The following ABCA12 variants were observed in gnomAD, a reference collection of about 807,000 sequenced individuals.
The protein encoded by ABCA12 is glucosylceramide transporter ABCA12.
A neutral mutation model predicts 293.5 loss-of-function variants in ABCA12; 156 were observed. The ratio of observed to expected loss-of-function variants is 0.53; its 90% confidence interval spans 0.47 to 0.61. ABCA12 has a LOEUF of 0.61. Ranked by LOEUF, ABCA12 falls within the 20% of genes least tolerant of loss-of-function variation. The pLI, the probability that ABCA12 is intolerant of heterozygous loss-of-function variation, is 0.00. For missense variants in ABCA12, 2,797 were observed against 3,090.2 expected, an observed-to-expected ratio of 0.91 and a Z score of 2.25; for synonymous variants, 1,063 against 1,108.0, an observed-to-expected ratio of 0.96 and a Z score of 0.81.
chr2:215,035,302 T>C (rs1286538812), intron 8 of ABCA12, among the ~76,000 whole-genome samples: 1 of 152,174 alleles, frequency 6.6e-6, no homozygotes. Context: ...GGTAAGTGTA[T>C]CAAATTTTAT....
chr2:215,007,720 C>T lies in ABCA12; in HGVS notation c.2592+7G>A, dbSNP rs201974606. 9.3e-5 allele frequency: 150 copies of T among 1,613,818 alleles called. No individual in the cohort carries two copies. The highest frequency in any genetic ancestry group is 1.2e-4 in the Non-Finnish European group (145 of 1,179,912). ...CTACTAAGTTGAATGACAGAAGCAT[C>T]TCATACCTGGAGCATTGGAATTGCC... On this transcript the variant is annotated splice_region_variant and intron_variant, in intron 19 of 52. Coordinates refer to ENST00000272895, the MANE Select transcript of ABCA12 (RefSeq NM_173076.3).
chr2:215,048,215 G>A (rs1276037372), intron 6 of ABCA12, among the ~76,000 whole-genome samples: 1 of 152,150 alleles, frequency 6.6e-6, no homozygotes, highest in Non-Finnish European at 1.5e-5. Flanking sequence ...AACACTGTTA[G>A]TGGGAGTATA....
intron 1 of ABCA12, among the ~76,000 whole-genome samples, chr2:215,123,785 T>A (rs532146605): frequency 1.3e-5 from 2 of 152,164 alleles, no homozygotes; most frequent in Non-Finnish European, 2.9e-5. Flanking sequence ...TTAATTTTTT[T>A]TATAAGTTAT....
intron 39 of ABCA12, among the ~76,000 whole-genome samples, chr2:214,966,424 A>T (rs1430566312): frequency 6.6e-6 from 1 of 152,190 alleles, no homozygotes. Flanking sequence ...TAATAATGAA[A>T]TAAAAAAGTA....
chr2:214,999,264 C>T (rs1700094917), intron 22 of ABCA12, among the ~76,000 whole-genome samples: 1 of 152,172 alleles, frequency 6.6e-6, no homozygotes, highest in South Asian at 2.1e-4. Context: ...TCATTAACAA[C>T]AAATCCCCTG....
intron 1 of ABCA12, among the ~76,000 whole-genome samples, chr2:215,133,066 C>T (rs1386047164): frequency 6.7e-6 from 1 of 149,554 alleles, no homozygotes; most frequent in Non-Finnish European, 1.5e-5. Context: ...TTTTCCGTTA[C>T]AGGGCTTCTG....
At chr2:214,944,930 A>G (rs1698534225) in intron 49 of ABCA12, 71 bp downstream of exon 49, 1 of 1,171,752 alleles carries the variant, frequency 8.5e-7, no homozygotes, top group African/African-American at 1.5e-5. Context: ...TTTATGTTAT[A>G]CAGGATTACC....
intron 17 of ABCA12, among the ~76,000 whole-genome samples, 176 bp from the exon 18 acceptor site, chr2:215,010,646 C>G (rs1334093276): frequency 6.6e-6 from 1 of 152,052 alleles, no homozygotes; most frequent in African/African-American, 2.4e-5. Context: ...AGTAACCAAT[C>G]TTTTTTAGGT....
chr2:215,056,291 G>T (rs1701419173), intron 3 of ABCA12, among the ~76,000 whole-genome samples: 1 of 152,062 alleles, frequency 6.6e-6, no homozygotes, highest in Non-Finnish European at 1.5e-5. Context: ...CCCACATTCA[G>T]AAACGAAACC....
intron 4 of ABCA12, among the ~76,000 whole-genome samples, chr2:215,053,450 T>C (rs1701358701): frequency 6.6e-6 from 1 of 152,100 alleles, no homozygotes; most frequent in Non-Finnish European, 1.5e-5. Context: ...GTGAGATAAC[T>C]GGCCAGAGTG....
intron 2 of ABCA12, among the ~76,000 whole-genome samples, chr2:215,079,760 G>T (rs1575029885): frequency 1.3e-5 from 2 of 152,006 alleles, no homozygotes; most frequent in Non-Finnish European, 2.9e-5. Flanking sequence ...TTAATCTTGC[G>T]TTACTTAATA....
At chr2:215,125,134 G>A (rs187136413) in intron 1 of ABCA12, among the ~76,000 whole-genome samples, 23 of 152,134 alleles carry the variant, frequency 1.5e-4, no homozygotes, top group African/African-American at 5.5e-4. Flanking sequence ...CTTATTTCTG[G>A]GTTCTCTATT....
rs564176047 is a variant in ABCA12 at position 214,958,739 on chromosome 2, T to C, written c.5939+285A>G. ...GCAAGGGATATATCATTCTTGAGCA[T>C]AGGAACCATACTTAATTGCTATGCA... is the stretch of plus-strand genomic sequence containing the variant. On this transcript the variant is annotated intron_variant, in intron 40 of 52. Transcript: ENST00000272895. 5.9e-5 allele frequency among the ~76,000 whole-genome samples: 9 copies of C among 152,266 alleles called. No homozygotes were observed. In the South Asian group the frequency reaches 1.5e-3, roughly 25 times the overall value.
chr2:214,932,445 C>T lies in ABCA12; in HGVS notation c.*189G>A. 1 of 599,150 alleles carries T rather than the reference C, an allele frequency of 1.7e-6. No individual in the cohort carries two copies. 37.1% of individuals were successfully genotyped at this position (599,150 alleles called of 1,614,324 possible). A position where few individuals can be genotyped will look rare whatever the true frequency, so the allele number is the denominator to read the frequency against. On this transcript the variant is annotated 3_prime_UTR_variant, in exon 53 of 53. Coordinates refer to ENST00000272895, the MANE Select transcript of ABCA12 (RefSeq NM_173076.3). ...ATACAGGAATTCATTTCAGTAGCAA[C>T]AACACTCACTGACCTTAGAAGGAAA...
rs1197185516 is a variant in ABCA12 at position 214,982,361 on chromosome 2, A to G, written c.4405T>C (p.Tyr1469His). ...VKRTLKDTGL[Y>H]SHRHKRVGTL... ...CCAACTCTCTTATGACGATGGCTATATAGTCCAGTATCTTTTAAAGTCCTT... is the reference window on the plus strand; with the variant it reads ...CCAACTCTCTTATGACGATGGCTATGTAGTCCAGTATCTTTTAAAGTCCTT... Residue 1469 changes from tyrosine to histidine, a missense_variant, in exon 30 of 53, where the codon TAT becomes CAT. By Grantham distance (83) the Tyr-to-His change is moderately conservative. This residue lies in a region of ABCA12 where 2,130 missense variants were observed against 2,427.0 expected (regional missense o/e 0.88). Coordinates refer to ENST00000272895, the MANE Select transcript of ABCA12 (RefSeq NM_173076.3). The G allele has an allele frequency of 6.2e-7, 1 of 1,613,970 alleles. No individual in the cohort carries two copies. Among genetic ancestry groups the G allele is most frequent in the Non-Finnish European group, 8.5e-7 (1 of 1,179,892 alleles).
chr2:215,116,157 A>G (rs1445632353), intron 1 of ABCA12, among the ~76,000 whole-genome samples: 1 of 152,254 alleles, frequency 6.6e-6, no homozygotes, highest in Non-Finnish European at 1.5e-5. Context: ...TAAAATGCAG[A>G]TAAAAATGCG....
At position 215,050,886 on chromosome 2, in the gene ABCA12, C is replaced by T. The variant is rs916373945; in HGVS notation, c.508-1075G>A. ...TCAGAGAGATTGCTGACATAGGCAT[C>T]AATATATCATCCTAATTTTTACATC... On this transcript the variant is annotated intron_variant, in intron 5 of 52. Coordinates refer to ENST00000272895, the MANE Select transcript of ABCA12 (RefSeq NM_173076.3). 3.5e-6 allele frequency: 3 copies of T among 859,072 alleles called. No individual in the cohort carries two copies. The African/African-American group carries it at 5.5e-5, about 16-fold the overall frequency. 53.2% of individuals were successfully genotyped at this position (859,072 alleles called of 1,614,324 possible).
chr2:215,132,503 T>C (rs920343377), intron 1 of ABCA12, among the ~76,000 whole-genome samples: 8 of 146,108 alleles, frequency 5.5e-5, no homozygotes, highest in African/African-American at 2.2e-4. Context: ...CTTTGTCTTT[T>C]TTTTTTAACT....
In ABCA12 at chr2:215,105,599, A is replaced by G. The variant is rs201139438; in HGVS notation, c.163+5998T>C. Among the ~76,000 whole-genome samples the G allele has an allele frequency of 1.2e-4, 16 of 135,266 alleles. 1 individual carries two copies. Among genetic ancestry groups the G allele is most frequent in the South Asian group, 8.9e-4 (4 of 4,498 alleles). 88.7% of individuals were successfully genotyped at this position (135,266 alleles called of 152,430 possible). A position where few individuals can be genotyped will look rare whatever the true frequency, so the allele number is the denominator to read the frequency against. Reference sequence around the variant, plus strand: ...TCAAGACACACACACACACACACACACGCACACACACACACACACACACGC... The same window carrying G: ...TCAAGACACACACACACACACACACGCGCACACACACACACACACACACGC... On this transcript the variant is annotated intron_variant, in intron 2 of 52. Transcript: ENST00000272895.
Sources: allele counts gnomAD v4.1 joint callset (sites outside exome capture counted in the v4.1 genomes callset), GRCh38; gene constraint gnomAD v4.1.1; regional missense constraint gnomAD v4.1.1; transcripts MANE v1.5; gene names NCBI Gene and HGNC (gene_info 2026-07-23, HGNC 2026-07-21).